The following MAN2A1 variants were observed in gnomAD, a reference collection of about 807,000 sequenced individuals.
The protein encoded by MAN2A1 is alpha-mannosidase 2.
MAN2A1 carries 76 observed loss-of-function variants against 142.6 expected under a neutral mutation model. The ratio of observed to expected loss-of-function variants is 0.53; its 90% confidence interval spans 0.44 to 0.65. The LOEUF is 0.65. MAN2A1 is among the 30% of genes least tolerant of loss of function. MAN2A1 has a pLI of 0.00. For synonymous variants in MAN2A1, 559 were observed against 473.2 expected (o/e 1.18, Z -2.35); for missense variants, 1,311 against 1,365.1 (o/e 0.96, Z 0.62).
At chr5:109,731,307 C>T (rs1052502934) in intron 4 of MAN2A1, among the ~76,000 whole-genome samples, 1 of 150,958 alleles carries the variant, frequency 6.6e-6, no homozygotes, top group Non-Finnish European at 1.5e-5. Context: ...TTTTAATTAA[C>T]TCATTCTGTA....
intron 4 of MAN2A1, among the ~76,000 whole-genome samples, chr5:109,750,512 T>A (rs934948343): frequency 2.0e-5 from 3 of 152,104 alleles, no homozygotes; most frequent in African/African-American, 7.2e-5. Flanking sequence ...ATTAAAATAA[T>A]GTTGTCTCTT....
intron 3 of MAN2A1, among the ~76,000 whole-genome samples, chr5:109,723,715 T>A (rs1751667736): frequency 6.6e-6 from 1 of 152,208 alleles, no homozygotes; most frequent in African/African-American, 2.4e-5. Flanking sequence ...CTCCCACTTC[T>A]ATTTTTATAT....
At chr5:109,828,758 T>C (rs1754827787) in intron 16 of MAN2A1, among the ~76,000 whole-genome samples, 1 of 152,318 alleles carries the variant, frequency 6.6e-6, no homozygotes, top group East Asian at 1.9e-4. Flanking sequence ...TAAAGTATTA[T>C]ATGTAATGGA....
intron 1 of MAN2A1, among the ~76,000 whole-genome samples, chr5:109,704,508 A>G (rs1280172408): frequency 6.6e-6 from 1 of 152,090 alleles, no homozygotes; most frequent in Non-Finnish European, 1.5e-5. Context: ...TCATTGACAG[A>G]CAGGTGGAGA....
chr5:109,717,062 C>T (rs926869890), intron 3 of MAN2A1, among the ~76,000 whole-genome samples: 1 of 147,298 alleles, frequency 6.8e-6, no homozygotes, highest in African/African-American at 2.5e-5. Flanking sequence ...TTAGTTGCAG[C>T]ATTTTTTTTT....
At chr5:109,728,222 T>C (rs1192207116) in intron 3 of MAN2A1, among the ~76,000 whole-genome samples, 3 of 152,238 alleles carry the variant, frequency 2.0e-5, no homozygotes, top group Non-Finnish European at 4.4e-5. Context: ...AGAATAGTTT[T>C]GTCTTCTCTG....
At chr5:109,864,537 A>G (rs1755833109) in intron 20 of MAN2A1, 1 of 152,360 alleles carries the variant, frequency 6.6e-6, no homozygotes, top group Non-Finnish European at 1.5e-5. Context: ...AAAAATAATG[A>G]ATCAGTACAT....
At chr5:109,839,846 T>C (rs1179659884) in intron 16 of MAN2A1, among the ~76,000 whole-genome samples, 3 of 152,072 alleles carry the variant, frequency 2.0e-5, no homozygotes, top group Admixed American at 2.0e-4. Flanking sequence ...TAAGTGTTAA[T>C]TTATCACTAG....
chr5:109,784,625 A>T, intron 9 of MAN2A1, 119 bp from the exon 10 acceptor site: 1 of 688,648 alleles, frequency 1.5e-6, no homozygotes, highest in African/African-American at 1.8e-5. Context: ...TATCTTTTTC[A>T]TAAATTGCTT....
intron 4 of MAN2A1, among the ~76,000 whole-genome samples, chr5:109,741,184 G>C (rs951604250): frequency 6.6e-6 from 1 of 152,018 alleles, no homozygotes; most frequent in African/African-American, 2.4e-5. Flanking sequence ...GTATCATTTT[G>C]CTTGAAGGAA....
At chr5:109,833,610 G>A (rs542018927) in intron 16 of MAN2A1, among the ~76,000 whole-genome samples, 1 of 148,904 alleles carries the variant, frequency 6.7e-6, no homozygotes, top group Admixed American at 6.7e-5. Flanking sequence ...AGTGAGCCGA[G>A]ATGGCAGCAC....
At chr5:109,825,155 G>T (rs1754723236) in intron 16 of MAN2A1, among the ~76,000 whole-genome samples, 1 of 152,088 alleles carries the variant, frequency 6.6e-6, no homozygotes, top group African/African-American at 2.4e-5. Context: ...AACTGTTTTT[G>T]ATCATCTGTT....
chr5:109,736,531 T>C (rs1270382825), intron 4 of MAN2A1, among the ~76,000 whole-genome samples: 1 of 152,100 alleles, frequency 6.6e-6, no homozygotes, highest in Non-Finnish European at 1.5e-5. Flanking sequence ...AAAAAAGTTT[T>C]TTTTAGGTCT....
intron 20 of MAN2A1, among the ~76,000 whole-genome samples, chr5:109,857,295 A>T (rs1343856459): frequency 6.6e-6 from 1 of 152,218 alleles, no homozygotes; most frequent in Admixed American, 6.5e-5. Context: ...AATTGTGTAG[A>T]TGTTTTTTCT....
intron 12 of MAN2A1, among the ~76,000 whole-genome samples, chr5:109,809,266 C>T (rs1223619738): frequency 6.6e-6 from 1 of 151,924 alleles, no homozygotes; most frequent in Non-Finnish European, 1.5e-5. Context: ...GCATAGATGA[C>T]TTATTATAGT....
chr5:109,805,422 C>T (rs770751546), intron 12 of MAN2A1, among the ~76,000 whole-genome samples: 2 of 152,120 alleles, frequency 1.3e-5, no homozygotes, highest in Non-Finnish European at 2.9e-5. Context: ...TGAAAAGTTC[C>T]TGAAATTTGT....
chr5:109,819,783 G>T lies in MAN2A1; in HGVS notation c.2224G>T (p.Asp742Tyr). Reference protein sequence around the residue: ...DYVLYKNKVEDSGIFTIKNMI... With the variant: ...DYVLYKNKVEYSGIFTIKNMI... ...TGTCTTGTATAAGAATAAAGTAGAA[G>T]ATAGCGGAATTTTCACCATAAAGAA... Residue 742 changes from aspartate to tyrosine, a missense_variant, in exon 14 of 22, where the codon GAT becomes TAT. By Grantham distance (160) the Asp-to-Tyr change is radical. This residue lies in a region of MAN2A1 where 890 missense variants were observed against 920.5 expected (regional missense o/e 0.97). Coordinates refer to ENST00000261483, the MANE Select transcript of MAN2A1 (RefSeq NM_002372.4). 1 of 1,609,974 alleles carries T rather than the reference G, an allele frequency of 6.2e-7. No individual in the cohort carries two copies. The highest frequency in any genetic ancestry group is 8.5e-7 in the Non-Finnish European group (1 of 1,177,144).
At chr5:109,789,391 G>T in intron 11 of MAN2A1, 69 bp from the exon 12 acceptor site, 1 of 866,546 alleles carries the variant, frequency 1.2e-6, no homozygotes, top group South Asian at 1.8e-5. Context: ...AATTTGAATG[G>T]TCTTCTGGTT....
chr5:109,726,557 T>C (rs1259009724), intron 3 of MAN2A1, among the ~76,000 whole-genome samples: 3 of 152,300 alleles, frequency 2.0e-5, no homozygotes, highest in Admixed American at 2.0e-4. Flanking sequence ...CATATTTTCC[T>C]CATGATTGTT....
Sources: gnomAD v4.1 joint callset for allele counts (sites outside exome capture counted in the v4.1 genomes callset) on GRCh38, gnomAD v4.1.1 for gene constraint, gnomAD v4.1.1 regional missense constraint, MANE v1.5 for transcripts, NCBI Gene and HGNC (gene_info 2026-07-23, HGNC 2026-07-21) for gene names.